WBP1L: variants seen among roughly 807,000 people sequenced by gnomAD.
WBP1L encodes WW domain binding protein 1 like.
In WBP1L, 17 loss-of-function variants were observed where a neutral mutation model predicts 33.7. The ratio of observed to expected loss-of-function variants is 0.50; its 90% confidence interval spans 0.34 to 0.76. WBP1L has a LOEUF of 0.76. Among genes scored for constraint, WBP1L ranks in the 30% least tolerant of loss-of-function variants. WBP1L has a pLI of 0.01. For synonymous variants in WBP1L, 173 were observed against 190.8 expected (o/e 0.91, Z 0.77); for missense variants, 389 against 469.4 (o/e 0.83, Z 1.58).
At chr10:102,762,704 C>G (rs1204448706) in intron 1 of WBP1L, among the ~76,000 whole-genome samples, 1 of 152,186 alleles carries the variant, frequency 6.6e-6, no homozygotes, top group Non-Finnish European at 1.5e-5. Flanking sequence ...GAAAATCCTA[C>G]TCTTATCTGA....
chr10:102,748,313 T>A (rs1842889046), intron 1 of WBP1L, among the ~76,000 whole-genome samples: 1 of 151,416 alleles, frequency 6.6e-6, no homozygotes. Flanking sequence ...GGGGCCTCAG[T>A]TCCTGCTATT....
chr10:102,771,534 A>T (rs1367738214), intron 1 of WBP1L, among the ~76,000 whole-genome samples: 1 of 149,050 alleles, frequency 6.7e-6, no homozygotes, highest in Non-Finnish European at 1.5e-5. Flanking sequence ...TAAAAATTTA[A>T]AAAGTTAATC....
intron 1 of WBP1L, among the ~76,000 whole-genome samples, chr10:102,753,999 C>T (rs1715966279): frequency 6.6e-6 from 1 of 152,164 alleles, no homozygotes; most frequent in Admixed American, 6.6e-5. Flanking sequence ...TTTGCCATTT[C>T]CTAATTTATT....
chr10:102,795,187 A>C (rs780767129), intron 1 of WBP1L, among the ~76,000 whole-genome samples: 1 of 152,216 alleles, frequency 6.6e-6, no homozygotes, highest in South Asian at 2.1e-4. Context: ...ATTGTAAAAT[A>C]ATTTGTGTTA....
intron 1 of WBP1L, among the ~76,000 whole-genome samples, chr10:102,773,955 C>T (rs763669606): frequency 1.3e-5 from 2 of 152,112 alleles, no homozygotes; most frequent in Non-Finnish European, 2.9e-5. Flanking sequence ...GTGGCATCCC[C>T]AGTGCCTAAA....
Position 102,813,486 on chromosome 10 carries a change from C to A in WBP1L, c.*155C>A. 9.3e-7 allele frequency: 1 copy of A among 1,076,820 alleles called. No homozygotes were observed. Among genetic ancestry groups the A allele is most frequent in the Non-Finnish European group, 1.3e-6 (1 of 772,618 alleles). The allele number at this position is 1,076,820 out of a possible 1,614,324, so 66.7% of individuals were successfully genotyped here. A position where few individuals can be genotyped will look rare whatever the true frequency, so the allele number is the denominator to read the frequency against. The stretch of plus-strand genomic sequence containing the variant: ...TCTCCTCTCCTGCATTTTCCTCCAT[C>A]TCCAGGTACAGTTCGGGGTGTGGAT... On this transcript the variant is annotated 3_prime_UTR_variant, in exon 4 of 4. Coordinates refer to ENST00000448841, the MANE Select transcript of WBP1L (RefSeq NM_001083913.2).
At chr10:102,757,940 C>T (rs1277600864) in intron 1 of WBP1L, among the ~76,000 whole-genome samples, 2 of 129,462 alleles carry the variant, frequency 1.5e-5, no homozygotes, top group Non-Finnish European at 1.6e-5. Context: ...GGCTGAAGTG[C>T]AATGGCACGA....
At chr10:102,764,350 A>G (rs1843082347) in intron 1 of WBP1L, among the ~76,000 whole-genome samples, 1 of 152,218 alleles carries the variant, frequency 6.6e-6, no homozygotes, top group Non-Finnish European at 1.5e-5. Context: ...ATGCTTTCTC[A>G]GAGGTACTTT....
Position 102,792,598 on chromosome 10 carries a change from T to TC in WBP1L, c.91-5395_91-5394insC, listed in dbSNP as rs1693683885. On this transcript the variant is annotated intron_variant, in intron 1 of 3. Coordinates refer to ENST00000448841, the MANE Select transcript of WBP1L (RefSeq NM_001083913.2). The stretch of plus-strand genomic sequence containing the variant: ...TTACTTTTTTTTTTCTTTTCTTTTT[T>TC]TTTTTTTTTTTTTGAGACAGTGTTT... 2.0e-5 allele frequency among the ~76,000 whole-genome samples: 3 copies of TC among 148,016 alleles called. No individual in the cohort carries two copies. The South Asian group carries it at 6.5e-4, about 32-fold the overall frequency.
At chr10:102,763,207 CAA>C (rs36003893) in intron 1 of WBP1L, among the ~76,000 whole-genome samples, 23 of 94,024 alleles carry the variant, frequency 2.4e-4, no homozygotes, top group East Asian at 3.5e-4. Flanking sequence ...ACTTTTGTCT[CAA>C]AAAAAAAAAA....
At chr10:102,766,564 A>G (rs775785861) in intron 1 of WBP1L, among the ~76,000 whole-genome samples, 1 of 151,942 alleles carries the variant, frequency 6.6e-6, no homozygotes, top group African/African-American at 2.4e-5. Flanking sequence ...TGGAGGCTAC[A>G]GTGAGCCATG....
At chr10:102,808,856 C>T (rs969476465) in intron 2 of WBP1L, among the ~76,000 whole-genome samples, 4 of 141,010 alleles carry the variant, frequency 2.8e-5, no homozygotes, top group Non-Finnish European at 6.4e-5. Context: ...TTCTGAGTTG[C>T]GGGGGAGGGG....
rs1338277326 is a variant in WBP1L, at chr10:102,744,080, C to G, written c.27C>G (p.Gly9=). 3.2e-6 allele frequency: 5 copies of G among 1,552,254 alleles called. No homozygotes were observed. The South Asian group carries it at 6.0e-5, about 18-fold the overall frequency. The change falls in exon 1 of 4, where the codon GGC becomes GGG. Residue 9 remains glycine (G), a synonymous_variant. Coordinates refer to ENST00000448841, the MANE Select transcript of WBP1L (RefSeq NM_001083913.2). The part of the protein sequence containing the change: MERRRLLG[G]MALLLLQALP... ...TGGAGAGGAGAAGGCTCCTGGGTGG[C>G]ATGGCGCTCCTGCTCCTCCAGGCGC...
chr10:102,744,215 G>A (rs1842833887), intron 1 of WBP1L, 72 bp downstream of exon 1: 2 of 1,445,062 alleles, frequency 1.4e-6, no homozygotes, highest in South Asian at 1.3e-5. Flanking sequence ...GGGGTCTGAA[G>A]GAGTGTTGTT....
intron 1 of WBP1L, among the ~76,000 whole-genome samples, chr10:102,793,401 T>A (rs1428248305): frequency 6.6e-6 from 1 of 152,234 alleles, no homozygotes; most frequent in Non-Finnish European, 1.5e-5. Context: ...GCTACAGTCG[T>A]GCCACTGTAC....
chr10:102,754,909 T>TTTA (rs1842957960), intron 1 of WBP1L, among the ~76,000 whole-genome samples: 1 of 149,240 alleles, frequency 6.7e-6, no homozygotes, highest in African/African-American at 2.5e-5. Flanking sequence ...TTATTTATTT[T>TTTA]TTGAGATGGA....
chr10:102,766,952 A>G (rs1483925999), intron 1 of WBP1L, among the ~76,000 whole-genome samples: 2 of 152,212 alleles, frequency 1.3e-5, no homozygotes, highest in Admixed American at 6.5e-5. Flanking sequence ...GTGAGGAGGC[A>G]TGAAATGTAT....
intron 1 of WBP1L, among the ~76,000 whole-genome samples, chr10:102,749,797 G>C (rs1341109082): frequency 3.3e-5 from 5 of 151,696 alleles, no homozygotes; most frequent in Non-Finnish European, 7.4e-5. Context: ...TATTTTTTGA[G>C]ATGGAGTTTC....
At chr10:102,762,239 A>G (rs1196343901) in intron 1 of WBP1L, among the ~76,000 whole-genome samples, 3 of 152,160 alleles carry the variant, frequency 2.0e-5, no homozygotes, top group African/African-American at 7.2e-5. Context: ...GAATCTCTGA[A>G]AGATAACAAT....
Sources: allele counts gnomAD v4.1 joint callset (sites outside exome capture counted in the v4.1 genomes callset), GRCh38; gene constraint gnomAD v4.1.1; transcripts MANE v1.5; gene names NCBI Gene and HGNC (gene_info 2026-07-23, HGNC 2026-07-21).